EPHA3: variants seen among roughly 807,000 people sequenced by gnomAD.
EPHA3 encodes EPH receptor A3.
A neutral mutation model predicts 107.1 loss-of-function variants in EPHA3; 42 were observed. The ratio of observed to expected loss-of-function variants is 0.39; its 90% CI spans 0.31 to 0.51. EPHA3 has a LOEUF of 0.51. Ranked by LOEUF, EPHA3 falls within the 20% of genes least tolerant of loss-of-function variation. The pLI is 0.78. For synonymous variants in EPHA3, 461 were observed against 424.8 expected, an observed-to-expected ratio of 1.09 and a Z score of -1.05; for missense variants, 1,183 against 1,211.2, an observed-to-expected ratio of 0.98 and a Z score of 0.35.
At chr3:89,191,820 C>A (rs1705723131) in intron 2 of EPHA3, among the ~76,000 whole-genome samples, 2 of 151,860 alleles carry the variant, frequency 1.3e-5, no homozygotes, top group Non-Finnish European at 2.9e-5. Context: ...TCAGACCGGT[C>A]CAGAAATGTT....
At chr3:89,272,837 A>G (rs1263257318) in intron 3 of EPHA3, among the ~76,000 whole-genome samples, 1 of 151,946 alleles carries the variant, frequency 6.6e-6, no homozygotes, top group African/African-American at 2.4e-5. Flanking sequence ...CAACTTGATG[A>G]CATAGGATTT....
intron 2 of EPHA3, among the ~76,000 whole-genome samples, chr3:89,208,425 A>AGGAAGGAAGGAAGGAAGAAT: frequency 1.3e-5 from 1 of 75,206 alleles, no homozygotes; most frequent in African/African-American, 7.3e-5. Flanking sequence ...GAAGGAAGGA[A>AGGAAGGAAGGAAGGAAGAAT]GAAAGAAAGA....
chr3:89,208,399 A>AAAAGAAGGAAGG (rs1706164402), intron 2 of EPHA3, among the ~76,000 whole-genome samples: 1 of 26,908 alleles, frequency 3.7e-5, no homozygotes, highest in Non-Finnish European at 6.5e-5. Context: ...GAAAGAAAGA[A>AAAAGAAGGAAGG]AAGGAAGGAA....
At chr3:89,255,950 G>A (rs535143924) in intron 3 of EPHA3, among the ~76,000 whole-genome samples, 1 of 151,930 alleles carries the variant, frequency 6.6e-6, no homozygotes, top group East Asian at 1.9e-4. Flanking sequence ...TAGGCCGGGT[G>A]CGGTGGCTTA....
chr3:89,407,966 T>C, intron 8 of EPHA3, 101 bp from the exon 9 acceptor site: 1 of 1,138,458 alleles, frequency 8.8e-7, no homozygotes, highest in Non-Finnish European at 1.3e-6. Flanking sequence ...TTTAATTGTT[T>C]GAGGAAAATG....
chr3:89,407,953 G>A (rs1024021167), intron 8 of EPHA3, 114 bp from the exon 9 acceptor site: 14 of 1,013,098 alleles, frequency 1.4e-5, no homozygotes, highest in African/African-American at 8.3e-5. Flanking sequence ...TTTCACTAAA[G>A]CATTTAATTG....
intron 3 of EPHA3, among the ~76,000 whole-genome samples, chr3:89,214,204 G>A (rs1218248017): frequency 6.6e-6 from 1 of 151,916 alleles, no homozygotes; most frequent in Non-Finnish European, 1.5e-5. Flanking sequence ...TTGGGCTTAG[G>A]AGTCCTAGGA....
chr3:89,472,949 A>G (rs1710436794), intron 16 of EPHA3, among the ~76,000 whole-genome samples: 1 of 152,174 alleles, frequency 6.6e-6, no homozygotes, highest in Admixed American at 6.5e-5. Context: ...GCAGACATAG[A>G]TTGATGATTA....
intron 2 of EPHA3, among the ~76,000 whole-genome samples, chr3:89,131,100 C>T (rs145844960): frequency 6.6e-6 from 1 of 152,226 alleles, no homozygotes; most frequent in East Asian, 1.9e-4. Context: ...GAAAATAATA[C>T]TCAAATTTGT....
In EPHA3 at chr3:89,160,589, TGC is replaced by T. The variant is rs1553707154; in HGVS notation, c.153+33321_153+33322del. 2.7e-4 allele frequency among the ~76,000 whole-genome samples: 39 copies of T among 145,000 alleles called. 1 individual carries two copies. Among genetic ancestry groups the T allele is most frequent in the African/African-American group, 7.0e-4 (27 of 38,732 alleles). On this transcript the variant is annotated intron_variant, in intron 2 of 16. Transcript: ENST00000336596. ...GTGTGTGTGTGTGTGTGTGTGTGTG[TGC>T]GCGCATTCTTTTTCTGTGTGTATTT...
chr3:89,460,093 G>T (rs1710192127), intron 15 of EPHA3, among the ~76,000 whole-genome samples: 1 of 151,990 alleles, frequency 6.6e-6, no homozygotes, highest in Admixed American at 6.5e-5. Context: ...TATTCAAGTA[G>T]TAAGATACCC....
chr3:89,359,728 T>TACATATATACACATATATAC (rs956421081), intron 5 of EPHA3, among the ~76,000 whole-genome samples: 1 of 122,702 alleles, frequency 8.1e-6, no homozygotes, highest in Non-Finnish European at 1.8e-5. Flanking sequence ...TATATATACA[T>TACATATATACACATATATAC]ACATATATAC....
chr3:89,309,694 G>C (rs1313952858), intron 3 of EPHA3, among the ~76,000 whole-genome samples: 2 of 152,000 alleles, frequency 1.3e-5, no homozygotes, highest in Non-Finnish European at 2.9e-5. Context: ...GCTTCAAATA[G>C]AAATATTTTT....
chr3:89,341,070 C>G lies in EPHA3; in HGVS notation c.969C>G (p.Thr323=), dbSNP rs774536871. Residue 323 remains threonine, a splice_region_variant and synonymous_variant, in exon 4 of 17, where the codon ACC becomes ACG. Transcript: ENST00000336596. ...ADKDPPSMAC[T]RPPSSPRNVI... ...AAGACCCTCCATCCATGGCTTGTAC[C>G]CGTGAGTAGTTTTGCTGCAACCCAT... 2.1e-5 allele frequency: 34 copies of G among 1,611,452 alleles called. No individual in the cohort carries two copies. The highest frequency in any genetic ancestry group is 2.7e-5 in the Non-Finnish European group (32 of 1,179,230).
intron 2 of EPHA3, among the ~76,000 whole-genome samples, chr3:89,132,595 C>G (rs895695771): frequency 5.3e-5 from 8 of 152,112 alleles, no homozygotes; most frequent in Non-Finnish European, 8.8e-5. Flanking sequence ...CAAAAACTGA[C>G]CAGGTGGCTC....
At chr3:89,129,602 G>GT (rs11378105) in intron 2 of EPHA3, among the ~76,000 whole-genome samples, 20,313 of 134,252 alleles carry the variant, frequency 0.15, 1,593 homozygotes, top group Middle Eastern at 0.2. Flanking sequence ...ACATTAGATT[G>GT]TTTTTTTTTT....
chr3:89,155,347 T>C lies in EPHA3; in HGVS notation c.153+28074T>C, dbSNP rs148970125. ...ATAAAATACCCTTTTTCTAGTTATATTAATAAGACTATCAAGTAGCATTTA... is the reference window on the plus strand; with the variant it reads ...ATAAAATACCCTTTTTCTAGTTATACTAATAAGACTATCAAGTAGCATTTA... On this transcript the variant is annotated intron_variant, in intron 2 of 16. Coordinates refer to ENST00000336596, the MANE Select transcript of EPHA3 (RefSeq NM_005233.6). Among the ~76,000 whole-genome samples, 18 of 152,178 alleles carry C rather than the reference T, an allele frequency of 1.2e-4. No individual in the cohort carries two copies. The East Asian group carries it at 3.1e-3, about 26-fold the overall frequency.
intron 5 of EPHA3, among the ~76,000 whole-genome samples, chr3:89,392,593 T>G (rs1708767332): frequency 6.6e-6 from 1 of 151,088 alleles, no homozygotes; most frequent in Admixed American, 6.6e-5. Context: ...AGTTGAAAGT[T>G]TTTTTTTTCC....
chr3:89,123,571 G>A (rs1707438948), intron 1 of EPHA3, among the ~76,000 whole-genome samples: 1 of 152,066 alleles, frequency 6.6e-6, no homozygotes, highest in African/African-American at 2.4e-5. Context: ...TCCAAGTAAG[G>A]ATTGCCTTCC....
Sources: gnomAD v4.1 joint callset for allele counts (sites outside exome capture counted in the v4.1 genomes callset) on GRCh38, gnomAD v4.1.1 for gene constraint, MANE v1.5 for transcripts, NCBI Gene and HGNC (gene_info 2026-07-23, HGNC 2026-07-21) for gene names.